The following KDM4A variants were observed in gnomAD, a reference collection of about 807,000 sequenced individuals.
KDM4A encodes lysine-specific demethylase 4A.
In KDM4A, 23 loss-of-function variants were observed where a neutral mutation model predicts 127.1. That is an observed-to-expected ratio of 0.18 (90% CI 0.13 to 0.26). The LOEUF (loss-of-function observed/expected upper bound fraction) is 0.26. Ranked by LOEUF, KDM4A falls within the 10% of genes least tolerant of loss-of-function variation. The probability of loss-of-function intolerance (pLI) is 1.00; values close to 1 mark genes in which losing one functional copy is unlikely to be tolerated. For synonymous variants in KDM4A, 443 were observed against 466.5 expected (o/e 0.95, Z 0.65); for missense variants, 890 against 1,329.1 (o/e 0.67, Z 5.14).
rs946890376 is a variant in KDM4A at position 43,698,168 on chromosome 1, T to C, written c.2841+155T>C. Among the ~76,000 whole-genome samples the C allele has an allele frequency of 2.6e-5, 4 of 152,214 alleles. No individual in the cohort carries two copies. The East Asian group carries it at 7.7e-4, about 29-fold the overall frequency. The stretch of plus-strand genomic sequence containing the variant: ...AGAAAGAATCATCTGTACCAGTCTT[T>C]CTTTGCAAAGAAAACTGCGTGCTGC... On this transcript the variant is annotated intron_variant, in intron 19 of 21. Coordinates refer to ENST00000372396, the MANE Select transcript of KDM4A (RefSeq NM_014663.3).
At chr1:43,699,117 G>A (rs1351703563) in intron 19 of KDM4A, among the ~76,000 whole-genome samples, 1 of 146,306 alleles carries the variant, frequency 6.8e-6, no homozygotes, top group African/African-American at 2.5e-5. Flanking sequence ...TTTTGAGAGA[G>A]ACCAGGTCTC....
chr1:43,666,683 T>G, intron 7 of KDM4A, 128 bp downstream of exon 7: 1 of 787,122 alleles, frequency 1.3e-6, no homozygotes, highest in Non-Finnish European at 2.1e-6. Context: ...AACAACACTT[T>G]GATCTAAGAG....
chr1:43,669,064 T>C (rs1170349251), intron 9 of KDM4A, 36 bp from the exon 10 acceptor site: 1 of 1,606,920 alleles, frequency 6.2e-7, no homozygotes, highest in South Asian at 1.1e-5. Context: ...TGGATGTATA[T>C]GTGGGCTCTT....
intron 20 of KDM4A, 99 bp downstream of exon 20, chr1:43,703,835 T>C: frequency 2.0e-6 from 3 of 1,517,102 alleles, no homozygotes; most frequent in South Asian, 2.4e-5. Flanking sequence ...GGAGAACTAA[T>C]AGGTTGGTAA....
At chr1:43,661,608 C>CAAAAAAAA (rs34131801) in intron 4 of KDM4A, among the ~76,000 whole-genome samples, 3 of 40,854 alleles carry the variant, frequency 7.3e-5, no homozygotes, top group Non-Finnish European at 1.1e-4. Context: ...GACTCTGTCT[C>CAAAAAAAA]AAAAAAAAAA....
intron 12 of KDM4A, 73 bp downstream of exon 12, chr1:43,683,877 A>G: frequency 1.9e-6 from 3 of 1,564,826 alleles, no homozygotes; most frequent in South Asian, 1.2e-5. Flanking sequence ...GGACATCAGA[A>G]GGCCAAGCTG....
Position 43,688,854 on chromosome 1 carries a change from C to A in KDM4A, c.1856-60C>A. On this transcript the variant is annotated intron_variant, in intron 12 of 21. Coordinates refer to ENST00000372396, the MANE Select transcript of KDM4A (RefSeq NM_014663.3). This position sits in a 1 kb window ranked among gnomAD's most constrained non-coding sequence, Gnocchi z 4.4. ...GTCCTAGTGGAACTCATCTGTTCTC[C>A]AGGCAGAGCCACAGATGTGCAGGGT... The A allele has an allele frequency of 6.7e-7, 1 of 1,502,028 alleles. No homozygotes were observed. Among genetic ancestry groups the A allele is most frequent in the Non-Finnish European group, 9.2e-7 (1 of 1,092,528 alleles). The allele number at this position is 1,502,028 out of a possible 1,614,324, so 93.0% of individuals were successfully genotyped here.
chr1:43,657,138 T>A (rs888235898), intron 3 of KDM4A, among the ~76,000 whole-genome samples: 7 of 152,178 alleles, frequency 4.6e-5, no homozygotes, highest in African/African-American at 1.7e-4. Flanking sequence ...TCCTCCTGCC[T>A]CAGCCTCCCA....
At position 43,694,565 on chromosome 1, in the gene KDM4A, C is replaced by T; in HGVS notation, c.2485-144C>T. ...TTGGCAGATAAAGTTGTAACCAGACCTGGATTAGAGCAGGCTGGTGTGTCC... is the reference window on the plus strand; with the variant it reads ...TTGGCAGATAAAGTTGTAACCAGACTTGGATTAGAGCAGGCTGGTGTGTCC... On this transcript the variant is annotated intron_variant, in intron 17 of 21. Transcript: ENST00000372396. This position sits in a 1 kb window ranked among gnomAD's most constrained non-coding sequence, Gnocchi z 5.2. The T allele has an allele frequency of 3.2e-6, 2 of 632,960 alleles. No homozygotes were observed. The highest frequency in any genetic ancestry group is 2.7e-6 in the Non-Finnish European group (1 of 373,516). 39.2% of individuals were successfully genotyped at this position (632,960 alleles called of 1,614,324 possible).
chr1:43,695,471 G>T (rs1467364502), intron 18 of KDM4A, among the ~76,000 whole-genome samples: 1 of 152,202 alleles, frequency 6.6e-6, no homozygotes, highest in Non-Finnish European at 1.5e-5. Flanking sequence ...TGAACAGGTC[G>T]CAGAAGAAGG....
In KDM4A at chr1:43,667,057, G is replaced by A. The variant is rs373265233; in HGVS notation, c.881G>A (p.Arg294His). The A allele has an allele frequency of 5.5e-5, 88 of 1,613,982 alleles. No individual in the cohort carries two copies. The highest frequency in any genetic ancestry group is 1.6e-4 in the Middle Eastern group (1 of 6,082). ...GCGGAGTCTACCAATTTTGCTACCC[G>A]TCGGTGGATTGAGTACGGCAAGCAA... is the stretch of plus-strand genomic sequence containing the variant. The part of the protein sequence containing the change: ...NCAESTNFAT[R>H]RWIEYGKQAV... The change falls in exon 8 of 22, where the codon CGT (arginine) becomes CAT (histidine). Residue 294 changes from arginine (R) to histidine (H), a missense_variant. By Grantham distance (29) the Arg-to-His change is conservative (BLOSUM62 0). Around this residue, in one of 7 missense-constraint regions of KDM4A, gnomAD observed 141 missense variants for 273.5 expected, o/e 0.52. Transcript: ENST00000372396.
At chr1:43,653,406 A>T in intron 2 of KDM4A, 93 bp downstream of exon 2, 1 of 1,293,116 alleles carries the variant, frequency 7.7e-7, no homozygotes, top group Non-Finnish European at 1.0e-6. Flanking sequence ...TGTTTTACTG[A>T]AAGTTGGGTG....
At chr1:43,656,179 C>G (rs1660232234) in intron 3 of KDM4A, among the ~76,000 whole-genome samples, 1 of 152,166 alleles carries the variant, frequency 6.6e-6, no homozygotes, top group Non-Finnish European at 1.5e-5. Flanking sequence ...ATCCAGCCTG[C>G]TAGCTCATTT....
rs1443959843 is a variant in KDM4A at position 43,660,432 on chromosome 1, C to T, written c.429+20C>T. The T allele has an allele frequency of 1.3e-6, 2 of 1,578,156 alleles. No individual in the cohort carries two copies. The highest frequency in any genetic ancestry group is 2.3e-5 in the East Asian group (1 of 43,084). On this transcript the variant is annotated intron_variant, in intron 4 of 21. Coordinates refer to ENST00000372396, the MANE Select transcript of KDM4A (RefSeq NM_014663.3). ...GAAAAGGTGAGGCTCACTGGAAACC[C>T]TCTGTGCAGTGTTTTTGTAATTTTG...
At chr1:43,692,399 A>G in intron 16 of KDM4A, 88 bp downstream of exon 16, 2 of 1,124,164 alleles carry the variant, frequency 1.8e-6, no homozygotes, top group East Asian at 2.4e-5. Context: ...GTTCTTCTGA[A>G]TGACTGATGA....
Position 43,666,432 on chromosome 1 carries a change from G to T in KDM4A, c.674-20G>T, listed in dbSNP as rs747734916. 5.4e-5 allele frequency: 86 copies of T among 1,603,202 alleles called. No homozygotes were observed. Among genetic ancestry groups the T allele is most frequent in the Non-Finnish European group, 7.3e-5 (86 of 1,170,236 alleles). ...CTAGTGTGGAGCACTGTGTTAACCTGTACCCTTTCAATTAAATAGGCTTTT... is the reference window on the plus strand; with the variant it reads ...CTAGTGTGGAGCACTGTGTTAACCTTTACCCTTTCAATTAAATAGGCTTTT... On this transcript the variant is annotated intron_variant, in intron 6 of 21. Transcript: ENST00000372396.
intron 1 of KDM4A, among the ~76,000 whole-genome samples, chr1:43,652,073 G>C (rs1385498381): frequency 6.6e-6 from 1 of 152,178 alleles, no homozygotes; most frequent in East Asian, 1.9e-4. Context: ...CTTAAGTTTT[G>C]TTATCTTGTA....
rs367999082 is a variant in KDM4A at position 43,668,103 on chromosome 1, GTTT to G, written c.1163+90_1163+92del. 4.0e-6 allele frequency: 6 copies of G among 1,516,148 alleles called. No homozygotes were observed. In the African/African-American group the frequency reaches 8.4e-5, roughly 21 times the overall value. 93.9% of individuals were successfully genotyped at this position (1,516,148 alleles called of 1,614,324 possible). On this transcript the variant is annotated intron_variant, in intron 9 of 21. Coordinates refer to ENST00000372396, the MANE Select transcript of KDM4A (RefSeq NM_014663.3). ...GTAATCTGTGGAGAGGCTGTTTCTT[GTTT>G]TTTTTGTTTTGTTTTGTTTTTGTTT...
chr1:43,690,453 G>A (rs1025631966), intron 13 of KDM4A: 1 of 303,092 alleles, frequency 3.3e-6, no homozygotes, highest in African/African-American at 2.2e-5. Context: ...TCACCATGTT[G>A]GCTAGGCTGG....
Sources: gnomAD v4.1 joint callset for allele counts (sites outside exome capture counted in the v4.1 genomes callset) on GRCh38, gnomAD v4.1.1 for gene constraint, gnomAD v4.1.1 regional missense constraint, Gnocchi (gnomAD v3.1) non-coding constraint, MANE v1.5 for transcripts, NCBI Gene and HGNC (gene_info 2026-07-23, HGNC 2026-07-21) for gene names.